CHODL: variants seen among roughly 807,000 people sequenced by gnomAD.
CHODL encodes the protein chondrolectin, also known as transmembrane protein MT75.
In CHODL, 29 loss-of-function variants were observed where a neutral mutation model predicts 34.5. The observed-to-expected ratio is 0.84, with a 90% CI of 0.63 to 1.15. The LOEUF (loss-of-function observed/expected upper bound fraction) is 1.15, where lower values mean the gene tolerates loss of function less well. Among genes scored for constraint, CHODL ranks in the 50% most tolerant of loss-of-function variants. The pLI is 0.00. For missense variants in CHODL, 332 were observed against 332.5 expected, an observed-to-expected ratio of 1.00 and a Z score of 0.01; for synonymous variants, 125 against 116.1, an observed-to-expected ratio of 1.08 and a Z score of -0.49.
chr21:18,076,276 A>G (rs980534385), intron 2 of CHODL, among the ~76,000 whole-genome samples: 1 of 152,218 alleles, frequency 6.6e-6, no homozygotes, highest in African/African-American at 2.4e-5. Context: ...ATGGAAGGTA[A>G]AGGCCATGCT....
At chr21:17,942,184 T>G (rs1212577281) in intron 1 of CHODL, among the ~76,000 whole-genome samples, 2 of 152,192 alleles carry the variant, frequency 1.3e-5, no homozygotes, top group Non-Finnish European at 2.9e-5. Context: ...ATAATTTGTT[T>G]GGAAACATGG....
intron 2 of CHODL, among the ~76,000 whole-genome samples, chr21:18,174,157 A>ATATATATATATATATATATATG (rs1555879240): frequency 2.3e-5 from 2 of 88,222 alleles, no homozygotes; most frequent in East Asian, 3.1e-4. Context: ...ATATATATAT[A>ATATATATATATATATATATATG]TATAAAATCA....
chr21:17,924,500 G>A (rs1445541183), intron 1 of CHODL, among the ~76,000 whole-genome samples: 1 of 152,234 alleles, frequency 6.6e-6, no homozygotes, highest in Non-Finnish European at 1.5e-5. Context: ...TCTTCCCTGG[G>A]CCTGACCTAG....
At chr21:18,163,400 G>A (rs947337334) in intron 2 of CHODL, among the ~76,000 whole-genome samples, 4 of 152,048 alleles carry the variant, frequency 2.6e-5, no homozygotes, top group Admixed American at 6.6e-5. Context: ...AAACCATTTT[G>A]TTTGTTCTTC....
chr21:18,108,417 T>C (rs2065302236), intron 2 of CHODL, among the ~76,000 whole-genome samples: 1 of 152,226 alleles, frequency 6.6e-6, no homozygotes, highest in Non-Finnish European at 1.5e-5. Flanking sequence ...AGAGAAATGT[T>C]TCCATCAGGG....
intron 5 of CHODL, among the ~76,000 whole-genome samples, chr21:18,265,293 A>C (rs1482954356): frequency 8.1e-6 from 1 of 122,760 alleles, no homozygotes; most frequent in Non-Finnish European, 1.6e-5. Context: ...ATATATACAC[A>C]CACACACACA....
intron 1 of CHODL, among the ~76,000 whole-genome samples, chr21:17,927,608 A>G (rs948053923): frequency 1.3e-5 from 2 of 152,162 alleles, no homozygotes; most frequent in Non-Finnish European, 2.9e-5. Context: ...TTTCATTTTA[A>G]TAGCAGCAGC....
intron 2 of CHODL, among the ~76,000 whole-genome samples, chr21:18,190,443 A>G (rs1338333753): frequency 6.6e-6 from 1 of 152,196 alleles, no homozygotes; most frequent in East Asian, 1.9e-4. Flanking sequence ...TAAAAAAGAC[A>G]CTTCACGGCA....
At chr21:17,943,056 T>C (rs1487332285) in intron 1 of CHODL, among the ~76,000 whole-genome samples, 1 of 152,228 alleles carries the variant, frequency 6.6e-6, no homozygotes, top group East Asian at 1.9e-4. Context: ...TGGTACAGCT[T>C]GCAGAACTGT....
At chr21:18,070,520 TGG>T (rs2064790722) in intron 2 of CHODL, among the ~76,000 whole-genome samples, 1 of 152,166 alleles carries the variant, frequency 6.6e-6, no homozygotes, top group Non-Finnish European at 1.5e-5. Flanking sequence ...TATTTCATAA[TGG>T]GCATTAAGCC....
intron 1 of CHODL, among the ~76,000 whole-genome samples, chr21:17,996,995 T>A (rs2063856390): frequency 6.6e-6 from 1 of 152,160 alleles, no homozygotes; most frequent in Non-Finnish European, 1.5e-5. Context: ...TAGAGAAACA[T>A]ACATTTTATT....
chr21:17,921,284 G>A (rs902368290), intron 1 of CHODL, among the ~76,000 whole-genome samples: 8 of 152,098 alleles, frequency 5.3e-5, no homozygotes, highest in South Asian at 2.1e-4. Context: ...TCAACTGATC[G>A]GATGAGCCTC....
At chr21:17,947,732 A>G (rs1422059118) in intron 1 of CHODL, among the ~76,000 whole-genome samples, 1 of 152,162 alleles carries the variant, frequency 6.6e-6, no homozygotes, top group Non-Finnish European at 1.5e-5. Context: ...AGCTCTTTGG[A>G]AAACAGGATA....
At chr21:17,978,420 T>TC (rs1231028353) in intron 1 of CHODL, among the ~76,000 whole-genome samples, 90 of 72,442 alleles carry the variant, frequency 1.2e-3, no homozygotes, top group African/African-American at 4.8e-3. Flanking sequence ...AGACTCCGTA[T>TC]CAAAAAAAAA....
At chr21:18,081,772 A>G (rs1471724742) in intron 2 of CHODL, among the ~76,000 whole-genome samples, 2 of 151,610 alleles carry the variant, frequency 1.3e-5, no homozygotes, top group South Asian at 2.1e-4. Context: ...CTCGTTAAGT[A>G]TGATGTTGGC....
At chr21:18,018,974 C>T (rs2064102177) in intron 1 of CHODL, among the ~76,000 whole-genome samples, 1 of 152,290 alleles carries the variant, frequency 6.6e-6, no homozygotes, top group Admixed American at 6.5e-5. Context: ...TATTATCTGC[C>T]TGTCCAGTCC....
chr21:18,227,743 T>A (rs1263325216), intron 2 of CHODL, among the ~76,000 whole-genome samples: 1 of 152,160 alleles, frequency 6.6e-6, no homozygotes, highest in Non-Finnish European at 1.5e-5. Flanking sequence ...AATAAAATTG[T>A]ATAAAACATT....
At chr21:18,151,102 A>AAAAG (rs1568912378) in intron 2 of CHODL, among the ~76,000 whole-genome samples, 45 of 149,220 alleles carry the variant, frequency 3.0e-4, no homozygotes, top group African/African-American at 1.1e-3. Context: ...AAAAAAAAAA[A>AAAAG]AAAGAAAGAA....
chr21:18,115,253 G>A (rs1009727187), intron 2 of CHODL, among the ~76,000 whole-genome samples: 1 of 152,138 alleles, frequency 6.6e-6, no homozygotes, highest in African/African-American at 2.4e-5. Flanking sequence ...GCTTCTTCCT[G>A]AGGACTTGTG....
Sources: gnomAD v4.1 joint callset for allele counts (sites outside exome capture counted in the v4.1 genomes callset) on GRCh38, gnomAD v4.1.1 for gene constraint, MANE v1.5 for transcripts, NCBI Gene and HGNC (gene_info 2026-07-23, HGNC 2026-07-21) for gene names.